Variants in LINGO2 observed in about 807,000 individuals in gnomAD.
LINGO2 encodes leucine rich repeat and Ig domain containing 2.
LINGO2 carries 14 observed loss-of-function variants against 30.6 expected under a neutral mutation model. The ratio of observed to expected loss-of-function variants is 0.46; its 90% CI spans 0.30 to 0.72. The LOEUF (loss-of-function observed/expected upper bound fraction) is 0.72. LINGO2 is among the 30% of genes least tolerant of loss of function. LINGO2 has a pLI of 0.07. For missense variants in LINGO2, 729 were observed against 751.7 expected, an observed-to-expected ratio of 0.97 and a Z score of 0.35; for synonymous variants, 317 against 288.5, an observed-to-expected ratio of 1.10 and a Z score of -1.00.
the LINGO2 span, among the ~76,000 whole-genome samples, chr9:28,856,755 T>C: frequency 6.6e-5 from 10 of 152,036 alleles, no homozygotes; most frequent in Middle Eastern, 3.4e-3. Context: ...AGGAGGAGAA[T>C]AAAATAATCA....
At chr9:28,237,160 T>C (rs1007599087) in intron 4 of LINGO2, among the ~76,000 whole-genome samples, 4 of 152,106 alleles carry the variant, frequency 2.6e-5, no homozygotes, top group East Asian at 3.9e-4. Context: ...ATTAGGTTTT[T>C]TTTGCATGTT....
intron 4 of LINGO2, among the ~76,000 whole-genome samples, chr9:28,243,656 A>C (rs755836076): frequency 1.3e-5 from 2 of 151,986 alleles, no homozygotes; most frequent in Non-Finnish European, 2.9e-5. Flanking sequence ...AACAAAAAAA[A>C]CGGGTTGGAT....
intron 5 of LINGO2, among the ~76,000 whole-genome samples, chr9:27,971,430 G>GTCA (rs1820350082): frequency 6.6e-6 from 1 of 152,126 alleles, no homozygotes; most frequent in African/African-American, 2.4e-5. Context: ...CGCCCAGGCT[G>GTCA]GAGTGCGGTG....
At chr9:28,609,070 T>C (rs1420414583) in intron 1 of LINGO2, among the ~76,000 whole-genome samples, 3 of 151,924 alleles carry the variant, frequency 2.0e-5, no homozygotes, top group Admixed American at 6.6e-5. Context: ...TAAAACATTA[T>C]TTTTACTTTT....
chr9:28,676,834 T>G, the LINGO2 span, among the ~76,000 whole-genome samples: 1 of 152,140 alleles, frequency 6.6e-6, no homozygotes, highest in South Asian at 2.1e-4. Context: ...AGTTAAAAAT[T>G]GTCATTGTGT....
the LINGO2 span, among the ~76,000 whole-genome samples, chr9:28,857,636 T>C: frequency 6.6e-6 from 1 of 152,034 alleles, no homozygotes; most frequent in African/African-American, 2.4e-5. Context: ...GTCCTCTAGA[T>C]CTGCAGTGTT....
chr9:28,369,874 C>G (rs1453193993), intron 3 of LINGO2, among the ~76,000 whole-genome samples: 3 of 152,118 alleles, frequency 2.0e-5, no homozygotes, highest in Non-Finnish European at 2.9e-5. Flanking sequence ...TGGTATTCCT[C>G]TTTAATTAAT....
chr9:29,166,377 G>C, the LINGO2 span, among the ~76,000 whole-genome samples: 2 of 152,064 alleles, frequency 1.3e-5, no homozygotes, highest in African/African-American at 4.8e-5. Context: ...AAGTAGGTGT[G>C]CATAGAGGTA....
chr9:28,664,699 G>A (rs992331724), intron 1 of LINGO2, among the ~76,000 whole-genome samples: 1 of 151,724 alleles, frequency 6.6e-6, no homozygotes, highest in Non-Finnish European at 1.5e-5. Context: ...CTCTTCTTGG[G>A]GACTAGATTT....
At chr9:27,948,972 C>T in exon 6 of LINGO2, 1 of 1,614,000 alleles carries the variant, frequency 6.2e-7, no homozygotes, top group Non-Finnish European at 8.5e-7. Flanking sequence ...TTTCCCTCGG[C>T]TCCACACAAA....
At chr9:28,045,186 A>G (rs993855250) in intron 4 of LINGO2, among the ~76,000 whole-genome samples, 2 of 152,104 alleles carry the variant, frequency 1.3e-5, no homozygotes, top group Admixed American at 1.3e-4. Flanking sequence ...AAACCCACAC[A>G]CACACAAACT....
intron 1 of LINGO2, among the ~76,000 whole-genome samples, chr9:28,562,462 A>C (rs999566716): frequency 4.0e-5 from 6 of 150,402 alleles, no homozygotes; most frequent in Non-Finnish European, 7.4e-5. Flanking sequence ...ACTTTCAAAA[A>C]AAAAAAAAAA....
downstream of LINGO2, among the ~76,000 whole-genome samples, chr9:27,947,015 C>T (rs979519973): frequency 2.0e-5 from 3 of 152,138 alleles, no homozygotes; most frequent in South Asian, 4.2e-4. Flanking sequence ...AATGTCAACC[C>T]GCCAATCCAA....
At chr9:28,958,887 A>G in the LINGO2 span, among the ~76,000 whole-genome samples, 1 of 152,152 alleles carries the variant, frequency 6.6e-6, no homozygotes, top group East Asian at 1.9e-4. Flanking sequence ...TCAGCTCTTA[A>G]TAACCACTAA....
intron 2 of LINGO2, among the ~76,000 whole-genome samples, chr9:28,381,384 T>C (rs902343608): frequency 3.9e-5 from 6 of 152,158 alleles, no homozygotes; most frequent in African/African-American, 1.4e-4. Flanking sequence ...GCTGTTAATA[T>C]AATCATACAG....
the LINGO2 span, among the ~76,000 whole-genome samples, chr9:29,076,605 G>T: frequency 7.0e-6 from 1 of 142,858 alleles, no homozygotes; most frequent in Non-Finnish European, 1.5e-5. Context: ...ATATATAATT[G>T]TATATAATAG....
intron 2 of LINGO2, among the ~76,000 whole-genome samples, chr9:28,468,751 T>C (rs1036851914): frequency 3.9e-5 from 6 of 152,214 alleles, no homozygotes; most frequent in Admixed American, 2.6e-4. Flanking sequence ...TCAGACAGAA[T>C]ATATGCTCAG....
At chr9:28,470,180 A>G (rs1306401591) in intron 2 of LINGO2, among the ~76,000 whole-genome samples, 1 of 152,192 alleles carries the variant, frequency 6.6e-6, no homozygotes, top group East Asian at 1.9e-4. Context: ...TGATAGCTAT[A>G]CAATAATGAG....
the LINGO2 span, among the ~76,000 whole-genome samples, chr9:28,894,072 G>A: frequency 3.3e-5 from 5 of 152,044 alleles, no homozygotes; most frequent in Admixed American, 6.6e-5. Flanking sequence ...CCCTACAAAG[G>A]ACATGAACTC....
Sources: allele counts gnomAD v4.1 joint callset (sites outside exome capture counted in the v4.1 genomes callset), GRCh38; gene constraint gnomAD v4.1.1; transcripts MANE v1.5; gene names NCBI Gene and HGNC (gene_info 2026-07-23, HGNC 2026-07-21).